SMG6: variants seen among roughly 807,000 people sequenced by gnomAD.
SMG6 encodes SMG6 nonsense mediated mRNA decay factor.
A neutral mutation model predicts 142.2 loss-of-function variants in SMG6; 66 were observed. The observed-to-expected ratio is 0.46, with a 90% confidence interval of 0.38 to 0.57. SMG6 has a LOEUF of 0.57. Ranked by LOEUF, SMG6 falls within the 20% of genes least tolerant of loss-of-function variation. The pLI, the probability that SMG6 is intolerant of heterozygous loss-of-function variation, is 0.00. For synonymous variants in SMG6, 779 were observed against 702.4 expected (o/e 1.11, Z -1.72); for missense variants, 1,793 against 1,832.0 (o/e 0.98, Z 0.39).
At chr17:2,087,738 A>C in intron 13 of SMG6, 1 of 986,656 alleles carries the variant, frequency 1.0e-6, no homozygotes, top group African/African-American at 1.7e-5. Flanking sequence ...AAAAGGCATT[A>C]AAGAACAGAG....
chr17:2,166,191 G>A (rs1028002428), intron 13 of SMG6, among the ~76,000 whole-genome samples: 1 of 151,996 alleles, frequency 6.6e-6, no homozygotes, highest in Non-Finnish European at 1.5e-5. Context: ...TCCAGCTTGG[G>A]AGACAGAGCC....
rs141251496 is a variant in SMG6, at chr17:2,208,453, A to C, written c.2870-19938T>G. 2.5e-3 allele frequency among the ~76,000 whole-genome samples: 375 copies of C among 152,326 alleles called. 2 individuals are homozygous for C. The highest frequency in any genetic ancestry group is 8.3e-3 in the African/African-American group (345 of 41,578). Reference sequence around the variant, plus strand: ...CACCAAGCTGCCCCACTAGCCTAGAAATCCCAACAGGGAGGGGTCCACAGC... The same window carrying C: ...CACCAAGCTGCCCCACTAGCCTAGACATCCCAACAGGGAGGGGTCCACAGC... On this transcript the variant is annotated intron_variant, in intron 10 of 18. Transcript: ENST00000263073.
chr17:2,065,797 A>G, intron 16 of SMG6, 118 bp from the exon 17 acceptor site: 2 of 844,614 alleles, frequency 2.4e-6, no homozygotes, highest in Admixed American at 2.3e-5. Context: ...CTTCCCCCAC[A>G]GGAGTCTTCC....
chr17:2,155,987 C>T (rs2070986918), intron 13 of SMG6, among the ~76,000 whole-genome samples: 1 of 151,160 alleles, frequency 6.6e-6, no homozygotes, highest in Admixed American at 6.6e-5. Context: ...AGGGTACCTT[C>T]TTGGGGACCC....
rs1487219316 is a variant in SMG6, at chr17:2,060,835, G to A, written c.*657C>T. The A allele has an allele frequency of 6.5e-6, 1 of 153,086 alleles. No homozygotes were observed. The highest frequency in any genetic ancestry group is 1.9e-4 in the East Asian group (1 of 5,220). The allele number at this position is 153,086 out of a possible 1,614,324, so 9.5% of individuals were successfully genotyped here. A position where few individuals can be genotyped will look rare whatever the true frequency, so the allele number is the denominator to read the frequency against. The stretch of plus-strand genomic sequence containing the variant: ...AACTGGCGAAGTGTGAGGGACCCAG[G>A]TTGATAAGGGCAGGAAGAGGAGCAG... On this transcript the variant is annotated 3_prime_UTR_variant, in exon 19 of 19. Transcript: ENST00000263073.
At chr17:2,174,090 G>A (rs527979619) in intron 12 of SMG6, among the ~76,000 whole-genome samples, 5 of 152,272 alleles carry the variant, frequency 3.3e-5, no homozygotes, top group South Asian at 2.1e-4. Context: ...GAGGCAATAT[G>A]TAAAGAGAGC....
At chr17:2,142,176 A>G (rs2070501500) in intron 13 of SMG6, among the ~76,000 whole-genome samples, 1 of 152,166 alleles carries the variant, frequency 6.6e-6, no homozygotes, top group South Asian at 2.1e-4. Context: ...CTTATTGTTT[A>G]AAAATGTCTT....
At chr17:2,091,929 G>A (rs377274621) in intron 13 of SMG6, among the ~76,000 whole-genome samples, 3 of 150,534 alleles carry the variant, frequency 2.0e-5, no homozygotes, top group African/African-American at 4.9e-5. Context: ...TGATCCGCCC[G>A]CCTTGGCCAA....
Position 2,186,803 on chromosome 17 carries a change from A to G in SMG6, c.3015T>C (p.Asp1005=). The change falls in exon 12 of 19, where the codon GAT becomes GAC. Residue 1005 remains aspartate (D), a synonymous_variant. Coordinates refer to ENST00000263073, the MANE Select transcript of SMG6 (RefSeq NM_017575.5). Reference sequence around the variant, plus strand: ...AAGACACCTTGATGTCGTCTTGGTCATCCTGGTCCTCAGGAGAGGACAGCT... The same window carrying G: ...AAGACACCTTGATGTCGTCTTGGTCGTCCTGGTCCTCAGGAGAGGACAGCT... ...KAQLSSPEDQ[D]DQDDIKVSSF... is the part of the protein sequence containing the mutation. 2 of 1,614,220 alleles carry G rather than the reference A, an allele frequency of 1.2e-6. No homozygotes were observed. Among genetic ancestry groups the G allele is most frequent in the Non-Finnish European group, 1.7e-6 (2 of 1,180,032 alleles).
chr17:2,290,423 C>G (rs1272260157), intron 6 of SMG6, among the ~76,000 whole-genome samples: 1 of 152,202 alleles, frequency 6.6e-6, no homozygotes, highest in Admixed American at 6.5e-5. Context: ...ATCAATAAAT[C>G]TATACACGAG....
intron 13 of SMG6, among the ~76,000 whole-genome samples, chr17:2,118,728 A>G (rs1201657715): frequency 6.6e-6 from 1 of 151,094 alleles, no homozygotes; most frequent in Non-Finnish European, 1.5e-5. Flanking sequence ...CTGGGACCAC[A>G]GGTGTAGGCC....
chr17:2,286,923 ATTTTTTT>A (rs59503723), intron 6 of SMG6, among the ~76,000 whole-genome samples: 143 of 111,458 alleles, frequency 1.3e-3, no homozygotes, highest in African/African-American at 3.7e-3. Flanking sequence ...ACATAAAATA[ATTTTTTT>A]TTTTTTTTTT....
At chr17:2,193,394 T>C (rs1187537491) in intron 10 of SMG6, among the ~76,000 whole-genome samples, 2 of 152,188 alleles carry the variant, frequency 1.3e-5, no homozygotes, top group Non-Finnish European at 2.9e-5. Context: ...TTATAAATTA[T>C]ACAGTCTTAG....
In SMG6 at chr17:2,303,568, C is replaced by T; in HGVS notation, c.88+65G>A. The T allele has an allele frequency of 4.4e-6, 6 of 1,364,360 alleles. No homozygotes were observed. The South Asian group carries it at 1.0e-4, about 23-fold the overall frequency. 84.5% of individuals were successfully genotyped at this position (1,364,360 alleles called of 1,614,324 possible). A position where few individuals can be genotyped will look rare whatever the true frequency, so the allele number is the denominator to read the frequency against. On this transcript the variant is annotated intron_variant, in intron 1 of 18. Coordinates refer to ENST00000263073, the MANE Select transcript of SMG6 (RefSeq NM_017575.5). The stretch of plus-strand genomic sequence containing the variant: ...AGCCGAGGGCCGAGCGGGGAGGAGG[C>T]AGAGGAGGAGGAGAGGGAGGCGGGG...
intron 13 of SMG6, among the ~76,000 whole-genome samples, chr17:2,126,108 T>C (rs768050165): frequency 6.6e-6 from 1 of 152,030 alleles, no homozygotes; most frequent in Non-Finnish European, 1.5e-5. Flanking sequence ...TGGCATAGAA[T>C]AGAACAGAAA....
At chr17:2,280,160 GA>G (rs1217306191) in intron 8 of SMG6, among the ~76,000 whole-genome samples, 1 of 151,518 alleles carries the variant, frequency 6.6e-6, no homozygotes, top group Non-Finnish European at 1.5e-5. Context: ...TACTGTGAGA[GA>G]AAAAAAAGAA....
rs1184746409 is a variant in SMG6 at position 2,297,891 on chromosome 17, C to T, written c.2012G>A (p.Arg671Gln). The T allele has an allele frequency of 1.9e-6, 3 of 1,611,744 alleles. No homozygotes were observed. Among genetic ancestry groups the T allele is most frequent in the East Asian group, 2.2e-5 (1 of 44,890 alleles). Residue 671 changes from arginine to glutamine, a missense_variant, in exon 3 of 19, where the codon CGG becomes CAG. Arg to Gln is a conservative substitution (Grantham distance 43). Around this residue, in one of 3 missense-constraint regions of SMG6, gnomAD observed 1,597 missense variants for 1,584.6 expected, o/e 1.01. Coordinates refer to ENST00000263073, the MANE Select transcript of SMG6 (RefSeq NM_017575.5). ...ATCCAAGAGCTCCAAAAGTCTGTTC[C>T]GAATCTGTTCTGGGTTCTCAACATT... ...DPNVENPEQI[R>Q]NRLLELLDEG...
intron 4 of SMG6, 64 bp from the exon 5 acceptor site, chr17:2,293,041 A>G: frequency 8.8e-7 from 1 of 1,141,422 alleles, no homozygotes; most frequent in South Asian, 1.2e-5. Flanking sequence ...CTCAAAGGAC[A>G]GGGATGGGGT....
At position 2,095,063 on chromosome 17, in the gene SMG6, G is replaced by A. The variant is rs539376418; in HGVS notation, c.3358-9162C>T. 5.9e-5 allele frequency: 9 copies of A among 152,292 alleles called. No individual in the cohort carries two copies. The South Asian group carries it at 6.2e-4, about 11-fold the overall frequency. 9.4% of individuals were successfully genotyped at this position (152,292 alleles called of 1,614,324 possible). A position where few individuals can be genotyped will look rare whatever the true frequency, so the allele number is the denominator to read the frequency against. ...ACCCACATTGGCAGGGGTTAAGGAC[G>A]GATATTGGCACTGCCAACACAAGCC... On this transcript the variant is annotated intron_variant, in intron 13 of 18. Transcript: ENST00000263073.
Sources: allele counts gnomAD v4.1 joint callset (sites outside exome capture counted in the v4.1 genomes callset), GRCh38; gene constraint gnomAD v4.1.1; regional missense constraint gnomAD v4.1.1; transcripts MANE v1.5; gene names NCBI Gene and HGNC (gene_info 2026-07-23, HGNC 2026-07-21).